WWOX: variants seen among roughly 807,000 people sequenced by gnomAD.
WWOX encodes WW domain containing oxidoreductase.
A neutral mutation model predicts 46.2 loss-of-function variants in WWOX; 69 were observed. The ratio of observed to expected loss-of-function variants is 1.49; its 90% CI spans 1.23 to 1.82. The LOEUF (loss-of-function observed/expected upper bound fraction) is 1.82, where lower values mean the gene tolerates loss of function less well. Ranked by LOEUF, WWOX falls within the 40% of genes most tolerant of loss-of-function variation. The probability of loss-of-function intolerance (pLI) is 0.00; values close to 1 mark genes in which losing one functional copy is unlikely to be tolerated. For synonymous variants in WWOX, 359 were observed against 202.6 expected, an observed-to-expected ratio of 1.77 and a Z score of -6.56; for missense variants, 919 against 542.6, an observed-to-expected ratio of 1.69 and a Z score of -6.89.
intron 8 of WWOX, among the ~76,000 whole-genome samples, chr16:79,104,710 A>C (rs2049272448): frequency 6.6e-6 from 1 of 152,222 alleles, no homozygotes; most frequent in Admixed American, 6.5e-5. Context: ...ATCAGTGAAC[A>C]CAAATGCTGG....
At chr16:78,210,222 A>G (rs1424531050) in intron 5 of WWOX, among the ~76,000 whole-genome samples, 1 of 152,214 alleles carries the variant, frequency 6.6e-6, no homozygotes, top group Non-Finnish European at 1.5e-5. Flanking sequence ...ATTTTGAGCC[A>G]GGCTGTGGAT....
chr16:78,920,864 G>C (rs1012818173), intron 8 of WWOX, among the ~76,000 whole-genome samples: 2 of 152,190 alleles, frequency 1.3e-5, no homozygotes, highest in Admixed American at 6.5e-5. Flanking sequence ...TCAAAACTCT[G>C]ATGAGCTCGA....
intron 8 of WWOX, among the ~76,000 whole-genome samples, chr16:78,996,555 G>T (rs931402445): frequency 6.6e-6 from 1 of 151,946 alleles, no homozygotes; most frequent in African/African-American, 2.4e-5. Flanking sequence ...AACTAATGTG[G>T]GAGAGAAGAG....
intron 8 of WWOX, among the ~76,000 whole-genome samples, chr16:79,162,785 AG>A (rs1322997630): frequency 2.6e-5 from 4 of 152,130 alleles, no homozygotes; most frequent in Non-Finnish European, 5.9e-5. Context: ...GTGCTGGGGG[AG>A]CCAGTAGAGA....
chr16:78,774,088 A>G (rs941215741), intron 8 of WWOX, among the ~76,000 whole-genome samples: 5 of 152,166 alleles, frequency 3.3e-5, no homozygotes, highest in Non-Finnish European at 2.9e-5. Context: ...TTCTGAAAGA[A>G]GGGCTGGAGA....
intron 8 of WWOX, among the ~76,000 whole-genome samples, chr16:78,643,108 G>C (rs1360212037): frequency 1.3e-5 from 2 of 152,134 alleles, no homozygotes; most frequent in Non-Finnish European, 2.9e-5. Flanking sequence ...TTGTTTACCT[G>C]AACAGGCAGA....
chr16:78,303,752 C>T (rs1384605828), intron 5 of WWOX, among the ~76,000 whole-genome samples: 1 of 152,146 alleles, frequency 6.6e-6, no homozygotes, highest in African/African-American at 2.4e-5. Context: ...GCATGTTGGT[C>T]AGGCTGGCCT....
At chr16:78,150,806 A>G (rs559657058) in intron 4 of WWOX, among the ~76,000 whole-genome samples, 1 of 152,276 alleles carries the variant, frequency 6.6e-6, no homozygotes, top group East Asian at 1.9e-4. Context: ...GGGGTTATCA[A>G]TTATTCACAA....
intron 8 of WWOX, among the ~76,000 whole-genome samples, chr16:78,931,480 C>T (rs948784007): frequency 1.3e-5 from 2 of 152,172 alleles, no homozygotes; most frequent in African/African-American, 2.4e-5. Context: ...GCAGATTTTG[C>T]TGGGCTGGGC....
chr16:79,083,885 A>C (rs144799360), intron 8 of WWOX, among the ~76,000 whole-genome samples: 1 of 152,076 alleles, frequency 6.6e-6, no homozygotes, highest in Non-Finnish European at 1.5e-5. Context: ...TTTAATGCAA[A>C]CTGACATTTC....
intron 8 of WWOX, among the ~76,000 whole-genome samples, chr16:78,746,312 A>G (rs1209746389): frequency 2.0e-5 from 3 of 152,202 alleles, no homozygotes; most frequent in Non-Finnish European, 4.4e-5. Context: ...AGCCTTGGCA[A>G]TATAGCAAGA....
chr16:79,089,569 A>T (rs117506751), intron 8 of WWOX, among the ~76,000 whole-genome samples: 8,801 of 152,184 alleles, frequency 0.058, 367 homozygotes, highest in Non-Finnish European at 0.09. Context: ...TGACCTCATG[A>T]TCTGCCCGCC....
At chr16:78,576,471 G>C (rs1219068193) in intron 8 of WWOX, among the ~76,000 whole-genome samples, 1 of 152,162 alleles carries the variant, frequency 6.6e-6, no homozygotes, top group Non-Finnish European at 1.5e-5. Context: ...TTCTTCATGA[G>C]GCTGATGTTT....
chr16:79,034,751 C>T (rs775582469), intron 8 of WWOX, among the ~76,000 whole-genome samples: 2 of 151,992 alleles, frequency 1.3e-5, no homozygotes, highest in Non-Finnish European at 2.9e-5. Context: ...CTGCCGTGCT[C>T]AAAGCACTTG....
chr16:78,102,358 G>T (rs12921245), intron 1 of WWOX, among the ~76,000 whole-genome samples: 1 of 152,090 alleles, frequency 6.6e-6, no homozygotes, highest in Non-Finnish European at 1.5e-5. Context: ...GTTAAGGCAG[G>T]GAAGGGAGGA....
chr16:79,149,049 GC>G (rs1555535068), intron 8 of WWOX, among the ~76,000 whole-genome samples: 1 of 148,124 alleles, frequency 6.8e-6, no homozygotes, highest in African/African-American at 2.7e-5. Context: ...TATTGTAGTG[GC>G]TAGAACTTCC....
At chr16:78,757,867 C>G (rs1207251179) in intron 8 of WWOX, among the ~76,000 whole-genome samples, 3 of 151,946 alleles carry the variant, frequency 2.0e-5, no homozygotes, top group Admixed American at 1.3e-4. Context: ...CATGAGGGTT[C>G]CACTCTCATG....
intron 8 of WWOX, among the ~76,000 whole-genome samples, chr16:79,159,283 G>A (rs777726657): frequency 9.2e-5 from 14 of 152,326 alleles, no homozygotes; most frequent in South Asian, 4.1e-4. Context: ...GCAGCTCACC[G>A]TGTGATTTCC....
chr16:78,611,256 C>G (rs1037506225), intron 8 of WWOX, among the ~76,000 whole-genome samples: 7 of 152,162 alleles, frequency 4.6e-5, no homozygotes, highest in African/African-American at 1.7e-4. Context: ...ATCTCCTTCT[C>G]ATATGTTTAG....
Sources: allele counts gnomAD v4.1 joint callset (sites outside exome capture counted in the v4.1 genomes callset), GRCh38; gene constraint gnomAD v4.1.1; transcripts MANE v1.5; gene names NCBI Gene and HGNC (gene_info 2026-07-23, HGNC 2026-07-21).